Variants in CNTN1 observed in about 807,000 individuals in gnomAD.
The protein encoded by CNTN1 is contactin-1.
In CNTN1, 38 loss-of-function variants were observed where a neutral mutation model predicts 126.4. The ratio of observed to expected loss-of-function variants is 0.30; its 90% CI spans 0.23 to 0.39. The LOEUF is 0.39. CNTN1 is among the 10% of genes least tolerant of loss of function. The pLI is 1.00. For missense variants in CNTN1, 1,009 were observed against 1,248.4 expected (o/e 0.81, Z 2.89); for synonymous variants, 413 against 422.6 (o/e 0.98, Z 0.28).
chr12:40,798,666 A>G (rs1940534841), intron 1 of CNTN1, among the ~76,000 whole-genome samples: 2 of 152,004 alleles, frequency 1.3e-5, no homozygotes, highest in African/African-American at 4.8e-5. Context: ...GCATGTTCTC[A>G]CTTATAAGTG....
At chr12:40,882,626 C>G (rs1457860796) in intron 1 of CNTN1, among the ~76,000 whole-genome samples, 1 of 151,578 alleles carries the variant, frequency 6.6e-6, no homozygotes, top group East Asian at 1.9e-4. Context: ...CCTCTTTCTC[C>G]TGTTGCCCAT....
intron 17 of CNTN1, among the ~76,000 whole-genome samples, chr12:41,010,689 C>T (rs747180485): frequency 6.6e-6 from 1 of 152,124 alleles, no homozygotes; most frequent in Non-Finnish European, 1.5e-5. Flanking sequence ...TTTATGAGTG[C>T]CTATCAGTCT....
At chr12:40,982,329 G>A (rs1238889590) in intron 16 of CNTN1, among the ~76,000 whole-genome samples, 1 of 151,912 alleles carries the variant, frequency 6.6e-6, no homozygotes, top group African/African-American at 2.4e-5. Flanking sequence ...CTAAAGCATG[G>A]GCAGTTTCTA....
intron 23 of CNTN1, among the ~76,000 whole-genome samples, chr12:41,035,168 T>C (rs1229042452): frequency 1.3e-5 from 2 of 152,232 alleles, no homozygotes; most frequent in Admixed American, 6.5e-5. Context: ...TTTATTTTGC[T>C]CATTTAGTTA....
chr12:40,973,925 G>T (rs183633115), intron 15 of CNTN1, among the ~76,000 whole-genome samples: 1 of 152,130 alleles, frequency 6.6e-6, no homozygotes, highest in Admixed American at 6.6e-5. Flanking sequence ...AATGAATCTT[G>T]ATTATTGATT....
At chr12:40,888,255 T>C (rs943903183) in intron 1 of CNTN1, among the ~76,000 whole-genome samples, 2 of 152,212 alleles carry the variant, frequency 1.3e-5, no homozygotes, top group East Asian at 3.8e-4. Flanking sequence ...TTATATGTTC[T>C]TATTCACTGT....
At chr12:41,049,531 A>G (rs894186349) in intron 23 of CNTN1, among the ~76,000 whole-genome samples, 1 of 152,050 alleles carries the variant, frequency 6.6e-6, no homozygotes, top group Non-Finnish European at 1.5e-5. Flanking sequence ...AGAAACATCC[A>G]CCTCTGCTGC....
chr12:40,741,320 A>C (rs1350274445), intron 1 of CNTN1, among the ~76,000 whole-genome samples: 1 of 152,084 alleles, frequency 6.6e-6, no homozygotes, highest in Non-Finnish European at 1.5e-5. Flanking sequence ...TTAAATGTAG[A>C]AGAATCAAAC....
chr12:40,937,450 G>T, intron 10 of CNTN1, 120 bp from the exon 11 acceptor site: 2 of 732,384 alleles, frequency 2.7e-6, no homozygotes, highest in Non-Finnish European at 2.5e-6. Context: ...TTCATCTTAG[G>T]TAACAGTGGG....
intron 1 of CNTN1, among the ~76,000 whole-genome samples, chr12:40,776,053 T>C (rs2136440858): frequency 6.6e-6 from 1 of 151,798 alleles, no homozygotes; most frequent in East Asian, 1.9e-4. Context: ...TTAGGGCATT[T>C]GCCTCATTCC....
intron 1 of CNTN1, among the ~76,000 whole-genome samples, chr12:40,809,268 C>T (rs1565766578): frequency 1.3e-5 from 2 of 152,122 alleles, no homozygotes; most frequent in African/African-American, 4.8e-5. Flanking sequence ...ATTACAGCTG[C>T]TAGTTTCAAG....
At chr12:40,851,147 G>T (rs1942701777) in intron 1 of CNTN1, among the ~76,000 whole-genome samples, 1 of 152,186 alleles carries the variant, frequency 6.6e-6, no homozygotes, top group Non-Finnish European at 1.5e-5. Flanking sequence ...ACTTCTGATA[G>T]TGGTAGTAAT....
chr12:40,961,917 G>T lies in CNTN1; in HGVS notation c.1804+2683G>T, dbSNP rs568840788. Among the ~76,000 whole-genome samples the T allele has an allele frequency of 2.0e-5, 3 of 151,816 alleles. No individual in the cohort carries two copies. The East Asian group carries it at 5.8e-4, about 29-fold the overall frequency. On this transcript the variant is annotated intron_variant, in intron 15 of 23. Coordinates refer to ENST00000551295, the MANE Select transcript of CNTN1 (RefSeq NM_001843.4). Reference sequence around the variant, plus strand: ...TATTAAATATGTTATGTAGTAGACAGTAGAAATCTATAAGAACTTTCCATA... The same window carrying T: ...TATTAAATATGTTATGTAGTAGACATTAGAAATCTATAAGAACTTTCCATA...
At chr12:40,813,062 C>CTTT (rs1565773275) in intron 1 of CNTN1, among the ~76,000 whole-genome samples, 1 of 71,158 alleles carries the variant, frequency 1.4e-5, no homozygotes, top group African/African-American at 5.4e-5. Flanking sequence ...TTTCTTTCTT[C>CTTT]CTTCCTTCCT....
intron 23 of CNTN1, among the ~76,000 whole-genome samples, chr12:41,059,377 T>C (rs936448331): frequency 6.6e-6 from 1 of 152,172 alleles, no homozygotes; most frequent in Non-Finnish European, 1.5e-5. Context: ...AGTGAGAGAA[T>C]GGGATTATTG....
chr12:40,805,752 G>A (rs1940830619), intron 1 of CNTN1, among the ~76,000 whole-genome samples: 1 of 152,116 alleles, frequency 6.6e-6, no homozygotes, highest in East Asian at 1.9e-4. Flanking sequence ...GCTAAACATT[G>A]TGTATGGAAC....
intron 17 of CNTN1, among the ~76,000 whole-genome samples, chr12:41,011,020 T>C (rs1398624607): frequency 2.0e-5 from 3 of 152,240 alleles, no homozygotes; most frequent in Admixed American, 2.0e-4. Context: ...TGCCTGCTTT[T>C]CCACTGTGGT....
At chr12:40,999,520 T>C (rs962170663) in intron 17 of CNTN1, among the ~76,000 whole-genome samples, 3 of 152,142 alleles carry the variant, frequency 2.0e-5, no homozygotes, top group Non-Finnish European at 4.4e-5. Flanking sequence ...CTAACTCCTC[T>C]ATTCTCAGAT....
At chr12:40,862,208 T>TACACACACAC (rs145686900) in intron 1 of CNTN1, among the ~76,000 whole-genome samples, 14,560 of 147,190 alleles carry the variant, frequency 0.099, 913 homozygotes, top group African/African-American at 0.19. Flanking sequence ...TGTCTCTTAA[T>TACACACACAC]ACACACACAC....
Sources: gnomAD v4.1 joint callset for allele counts (sites outside exome capture counted in the v4.1 genomes callset) on GRCh38, gnomAD v4.1.1 for gene constraint, MANE v1.5 for transcripts, NCBI Gene and HGNC (gene_info 2026-07-23, HGNC 2026-07-21) for gene names.